Variants in MCF2L2 observed in about 807,000 individuals in gnomAD.
MCF2L2 encodes MCF.2 cell line derived transforming sequence-like 2.
Under a neutral mutation model 150.2 loss-of-function variants are expected in MCF2L2, and 102 were observed. That is an observed-to-expected ratio of 0.68 (90% CI 0.58 to 0.80). MCF2L2 has a LOEUF of 0.80. Ranked by LOEUF, MCF2L2 falls within the 30% of genes least tolerant of loss-of-function variation. The pLI is 0.00. For synonymous variants in MCF2L2, 465 were observed against 491.3 expected, an observed-to-expected ratio of 0.95 and a Z score of 0.71; for missense variants, 1,256 against 1,372.8, an observed-to-expected ratio of 0.91 and a Z score of 1.34.
intron 5 of MCF2L2, among the ~76,000 whole-genome samples, chr3:183,336,184 C>T (rs1730470080): frequency 7.2e-6 from 1 of 137,942 alleles, no homozygotes. Flanking sequence ...AAATATTATT[C>T]TAAGTAAACA....
chr3:183,249,831 T>G (rs1464154390), intron 15 of MCF2L2, among the ~76,000 whole-genome samples: 12 of 152,164 alleles, frequency 7.9e-5, no homozygotes, highest in Non-Finnish European at 1.5e-4. Flanking sequence ...GAATAATTGA[T>G]GAGTGTGGAA....
Position 183,348,811 on chromosome 3 carries a change from G to C in MCF2L2, c.276-7181C>G, listed in dbSNP as rs1010409367. On this transcript the variant is annotated intron_variant, in intron 3 of 29. Transcript: ENST00000328913. ...AAATATAAAAGGGCCTTTTTATCAG[G>C]AAGACATAAGAATCCTAAATGTCTA... 2.0e-5 allele frequency among the ~76,000 whole-genome samples: 3 copies of C among 152,140 alleles called. No individual in the cohort carries two copies. In the South Asian group the frequency reaches 6.2e-4, roughly 31 times the overall value.
At chr3:183,361,713 T>C (rs1486141248) in intron 3 of MCF2L2, among the ~76,000 whole-genome samples, 3 of 152,070 alleles carry the variant, frequency 2.0e-5, no homozygotes, top group Non-Finnish European at 4.4e-5. Flanking sequence ...ACAAGTACAG[T>C]TACTCTGAAC....
At chr3:183,186,864 T>C (rs1001072447) in intron 27 of MCF2L2, among the ~76,000 whole-genome samples, 2 of 152,242 alleles carry the variant, frequency 1.3e-5, no homozygotes, top group African/African-American at 4.8e-5. Flanking sequence ...GACCAAATCA[T>C]GCATTTCTAT....
At chr3:183,250,594 G>GA (rs111311322) in intron 15 of MCF2L2, among the ~76,000 whole-genome samples, 4,700 of 104,122 alleles carry the variant, frequency 0.045, 183 homozygotes, top group East Asian at 0.14. Context: ...TTCAAAAAAA[G>GA]AAAAAAAAAA....
intron 15 of MCF2L2, among the ~76,000 whole-genome samples, chr3:183,265,029 A>G (rs1725965489): frequency 1.3e-5 from 2 of 152,212 alleles, no homozygotes; most frequent in Non-Finnish European, 2.9e-5. Flanking sequence ...AGATATCTGC[A>G]TATTTTCTTC....
At chr3:183,255,345 C>T (rs879480645) in intron 15 of MCF2L2, among the ~76,000 whole-genome samples, 13 of 152,222 alleles carry the variant, frequency 8.5e-5, no homozygotes, top group Non-Finnish European at 1.6e-4. Context: ...TCTATCTGGT[C>T]ACAAGTGAGG....
intron 15 of MCF2L2, among the ~76,000 whole-genome samples, chr3:183,268,828 C>T (rs920727820): frequency 2.0e-5 from 3 of 152,152 alleles, no homozygotes; most frequent in Admixed American, 6.5e-5. Context: ...AAAGGCAGTG[C>T]TTGTTGGCTA....
Position 183,398,465 on chromosome 3 carries a change from T to TA in MCF2L2, c.77-8687dup, listed in dbSNP as rs377128312. On this transcript the variant is annotated intron_variant, in intron 1 of 29. Transcript: ENST00000328913. ...AATCCATTGAAATTTGGGTGTTTGTTACAGCAGCTGGCGCTACTCTAACTT... is the reference window on the plus strand; with the variant it reads ...AATCCATTGAAATTTGGGTGTTTGTTAACAGCAGCTGGCGCTACTCTAACTT... Among the ~76,000 whole-genome samples, 831 of 152,146 alleles carry TA rather than the reference T, an allele frequency of 5.5e-3. 2 individuals are homozygous for TA. Among genetic ancestry groups the TA allele is most frequent in the African/African-American group, 0.019 (791 of 41,514 alleles).
intron 2 of MCF2L2, among the ~76,000 whole-genome samples, chr3:183,389,449 T>C (rs1714020054): frequency 6.6e-6 from 1 of 152,226 alleles, no homozygotes; most frequent in South Asian, 2.1e-4. Flanking sequence ...TTCAGCTCTG[T>C]TATTTACAAC....
intron 3 of MCF2L2, among the ~76,000 whole-genome samples, chr3:183,344,462 C>T (rs898770605): frequency 8.5e-5 from 13 of 152,240 alleles, no homozygotes; most frequent in African/African-American, 4.8e-5. Context: ...CAAATAGCCA[C>T]GGCAAAAACA....
chr3:183,249,180 G>T (rs1403549119), intron 15 of MCF2L2, among the ~76,000 whole-genome samples: 1 of 152,238 alleles, frequency 6.6e-6, no homozygotes, highest in Non-Finnish European at 1.5e-5. Flanking sequence ...GAGTAGGAGA[G>T]AAAGAGCTGA....
At chr3:183,403,937 G>GA (rs551512562) in intron 1 of MCF2L2, among the ~76,000 whole-genome samples, 1 of 151,796 alleles carries the variant, frequency 6.6e-6, no homozygotes, top group Non-Finnish European at 1.5e-5. Context: ...AGGGAAAGAA[G>GA]AAAAAAATGT....
At chr3:183,238,995 CAAAAA>C (rs60736939) in intron 15 of MCF2L2, among the ~76,000 whole-genome samples, 5 of 88,866 alleles carry the variant, frequency 5.6e-5, no homozygotes, top group Non-Finnish European at 1.0e-4. Flanking sequence ...ATATCCGTCT[CAAAAA>C]AAAAAAAAAA....
At chr3:183,412,704 T>C (rs1715378281) in intron 1 of MCF2L2, among the ~76,000 whole-genome samples, 1 of 152,168 alleles carries the variant, frequency 6.6e-6, no homozygotes, top group Admixed American at 6.5e-5. Context: ...GGATGCCTTT[T>C]ATTTTTTTTA....
At chr3:183,393,192 CT>C (rs11390628) in intron 1 of MCF2L2, among the ~76,000 whole-genome samples, 2,296 of 131,980 alleles carry the variant, frequency 0.017, 42 homozygotes, top group African/African-American at 0.056. Flanking sequence ...AAACTTGTCT[CT>C]TTTTTTTTTT....
chr3:183,379,360 C>T lies in MCF2L2; in HGVS notation c.212G>A (p.Gly71Glu). 3.1e-6 allele frequency: 5 copies of T among 1,610,712 alleles called. No individual in the cohort carries two copies. Among genetic ancestry groups the T allele is most frequent in the South Asian group, 2.2e-5 (2 of 90,336 alleles). The change falls in exon 3 of 30, where the codon GGG (glycine) becomes GAG (glutamate). Residue 71 changes from glycine to glutamate, a missense_variant. Gly to Glu is a moderately conservative substitution (Grantham distance 98). Coordinates refer to ENST00000328913, the MANE Select transcript of MCF2L2 (RefSeq NM_015078.4). The part of the protein sequence containing the change: ...APIITFPEFS[G>E]FKHIPDEDFL... ...GTCTTCATCTGGGATGTGTTTGAAC[C>T]CCGAAAACTCTGGGAACGTGATGAT...
At chr3:183,295,613 T>G (rs943666974) in intron 12 of MCF2L2, 136 bp from the exon 13 acceptor site, 30 of 775,882 alleles carry the variant, frequency 3.9e-5, no homozygotes, top group Non-Finnish European at 5.5e-5. Flanking sequence ...TGGGCATCAC[T>G]ATGCAAGTCG....
chr3:183,180,349 C>T (rs1331637151), intron 27 of MCF2L2, 190 bp from the exon 28 acceptor site: 2 of 511,760 alleles, frequency 3.9e-6, no homozygotes, highest in Admixed American at 3.6e-5. Context: ...TTTCCAGCGC[C>T]GAGATGCCGT....
Sources: gnomAD v4.1 joint callset for allele counts (sites outside exome capture counted in the v4.1 genomes callset) on GRCh38, gnomAD v4.1.1 for gene constraint, MANE v1.5 for transcripts, NCBI Gene and HGNC (gene_info 2026-07-23, HGNC 2026-07-21) for gene names.